Variants in CREM observed in about 807,000 individuals in gnomAD.
CREM encodes the protein cAMP responsive element modulator.
Under a neutral mutation model 37.3 loss-of-function variants are expected in CREM, and 13 were observed. The observed-to-expected ratio is 0.35, with a 90% confidence interval of 0.23 to 0.55. The LOEUF is 0.55. Among genes scored for constraint, CREM ranks in the 20% least tolerant of loss-of-function variants. The pLI, the probability that CREM is intolerant of heterozygous loss-of-function variation, is 0.88. For synonymous variants in CREM, 124 were observed against 120.2 expected, an observed-to-expected ratio of 1.03 and a Z score of -0.21; for missense variants, 296 against 362.3, an observed-to-expected ratio of 0.82 and a Z score of 1.49.
intron 3 of CREM, among the ~76,000 whole-genome samples, chr10:35,167,982 C>A (rs1280176468): frequency 2.6e-5 from 4 of 152,092 alleles, no homozygotes; most frequent in Non-Finnish European, 4.4e-5. Context: ...ATGAACTCAT[C>A]CTTTTTTTAT....
At chr10:35,190,811 G>A (rs1355056738) in intron 6 of CREM, among the ~76,000 whole-genome samples, 1 of 152,002 alleles carries the variant, frequency 6.6e-6, no homozygotes, top group African/African-American at 2.4e-5. Flanking sequence ...ACAGGCGCCT[G>A]CCACCATGTC....
intron 2 of CREM, among the ~76,000 whole-genome samples, chr10:35,141,929 G>A (rs1564802569): frequency 1.3e-5 from 2 of 151,906 alleles, no homozygotes; most frequent in Non-Finnish European, 2.9e-5. Flanking sequence ...TGTTCAAGAA[G>A]GAAGATGTTG....
At chr10:35,129,242 G>A (rs775199164) in intron 1 of CREM, among the ~76,000 whole-genome samples, 1 of 152,154 alleles carries the variant, frequency 6.6e-6, no homozygotes, top group Non-Finnish European at 1.5e-5. Flanking sequence ...TATTGAATGC[G>A]TAAACATAGG....
At chr10:35,164,110 T>C (rs1351608561) in intron 3 of CREM, among the ~76,000 whole-genome samples, 1 of 152,266 alleles carries the variant, frequency 6.6e-6, no homozygotes, top group Non-Finnish European at 1.5e-5. Flanking sequence ...AAGTTGATAC[T>C]AATTTTATGC....
intron 2 of CREM, among the ~76,000 whole-genome samples, chr10:35,145,728 GAGATGC>G (rs1360105412): frequency 7.6e-6 from 1 of 131,786 alleles, no homozygotes; most frequent in Non-Finnish European, 1.5e-5. Flanking sequence ...GCAGTGAGCC[GAGATGC>G]CTCTGCACTC....
chr10:35,198,734 T>C (rs538607579), intron 6 of CREM, among the ~76,000 whole-genome samples: 29 of 152,334 alleles, frequency 1.9e-4, no homozygotes, highest in African/African-American at 6.5e-4. Flanking sequence ...AAACAAACTT[T>C]CCAACAAATT....
At chr10:35,155,511 A>G (rs2092838569) in intron 3 of CREM, among the ~76,000 whole-genome samples, 1 of 152,130 alleles carries the variant, frequency 6.6e-6, no homozygotes, top group South Asian at 2.1e-4. Context: ...TTTTACCACA[A>G]TAAAAGATAA....
At chr10:35,194,199 CTG>C (rs1246465152) in intron 6 of CREM, among the ~76,000 whole-genome samples, 1 of 145,120 alleles carries the variant, frequency 6.9e-6, no homozygotes, top group African/African-American at 2.5e-5. Flanking sequence ...AGGCTATGGT[CTG>C]TTCTATGGTT....
chr10:35,202,698 T>C (rs1374000976), intron 6 of CREM, among the ~76,000 whole-genome samples: 5 of 152,256 alleles, frequency 3.3e-5, no homozygotes, highest in Non-Finnish European at 7.3e-5. Flanking sequence ...CCTACTAATT[T>C]ATACTAACTC....
chr10:35,156,907 C>G (rs2092949614), intron 3 of CREM, among the ~76,000 whole-genome samples: 3 of 152,126 alleles, frequency 2.0e-5, no homozygotes, highest in Admixed American at 6.5e-5. Context: ...TAACTATTTT[C>G]CTTTAAAACA....
chr10:35,146,274 C>T (rs565950463), intron 2 of CREM, among the ~76,000 whole-genome samples: 12 of 152,160 alleles, frequency 7.9e-5, no homozygotes, highest in Admixed American at 7.9e-4. Context: ...TTCCAAAATA[C>T]TCCTGCTAGG....
At chr10:35,179,346 C>T (rs2094250303) in intron 5 of CREM, 70 bp downstream of exon 5, 2 of 1,545,824 alleles carry the variant, frequency 1.3e-6, no homozygotes, top group Non-Finnish European at 1.8e-6. Flanking sequence ...TGAAGCAACT[C>T]AGGTTTTGGC....
chr10:35,177,028 G>T, intron 3 of CREM, among the ~76,000 whole-genome samples: 1 of 151,526 alleles, frequency 6.6e-6, no homozygotes, highest in Non-Finnish European at 1.5e-5. Flanking sequence ...CATTTTTAAG[G>T]TCAGTTATTA....
At chr10:35,176,144 C>T (rs918643699) in intron 3 of CREM, 42 of 1,231,726 alleles carry the variant, frequency 3.4e-5, no homozygotes, top group Admixed American at 5.7e-5. Flanking sequence ...CTTCTCCTTG[C>T]GTAAGGTGCT....
chr10:35,147,183 T>C (rs1305373474), intron 2 of CREM, among the ~76,000 whole-genome samples: 1 of 151,444 alleles, frequency 6.6e-6, no homozygotes, highest in African/African-American at 2.4e-5. Context: ...CCCGAGTAGC[T>C]GGGACTACAG....
intron 6 of CREM, among the ~76,000 whole-genome samples, chr10:35,199,832 T>G (rs1211182661): frequency 6.6e-6 from 1 of 151,812 alleles, no homozygotes; most frequent in South Asian, 2.1e-4. Flanking sequence ...TACACACTGC[T>G]TATAAAACAT....
intron 3 of CREM, among the ~76,000 whole-genome samples, chr10:35,164,367 C>T (rs1228279608): frequency 6.6e-6 from 1 of 152,164 alleles, no homozygotes; most frequent in African/African-American, 2.4e-5. Context: ...TATTCGGAAT[C>T]CTTTGTAAAG....
chr10:35,196,231 GAGCTCCTC>G (rs746730795), intron 6 of CREM: 42 of 798,138 alleles, frequency 5.3e-5, no homozygotes, highest in Non-Finnish European at 7.3e-5. Flanking sequence ...TTGCGATTCA[GAGCTCCTC>G]TAGTGTTCAG....
rs759780480 is a variant in CREM, at chr10:35,188,286, T to G, written c.496T>G (p.Ser166Ala). The G allele has an allele frequency of 4.3e-6, 7 of 1,614,032 alleles. No homozygotes were observed. The highest frequency in any genetic ancestry group is 1.3e-5 in the African/African-American group (1 of 74,926). ...ACTGCAGGCATTAACAATGACAAAT[T>G]CAGGAGCTCCTCCACCAGGTGCTAC... Reference protein sequence around the residue: ...QGLQALTMTNSGAPPPGATIV... With the variant: ...QGLQALTMTNAGAPPPGATIV... Residue 166 changes from serine (S) to alanine (A), a missense_variant, in exon 6 of 8, where the codon TCA (serine) becomes GCA (alanine). Ser to Ala is a moderately conservative substitution (Grantham distance 99). This residue lies in a region of CREM where 257 missense variants were observed against 280.2 expected (regional missense o/e 0.92). Transcript: ENST00000685392.
Sources: gnomAD v4.1 joint callset for allele counts (sites outside exome capture counted in the v4.1 genomes callset) on GRCh38, gnomAD v4.1.1 for gene constraint, gnomAD v4.1.1 regional missense constraint, MANE v1.5 for transcripts, NCBI Gene and HGNC (gene_info 2026-07-23, HGNC 2026-07-21) for gene names.